The following AKAP6 variants were observed in gnomAD, a reference collection of about 807,000 sequenced individuals.
AKAP6 encodes the protein A-kinase anchor protein 6.
In AKAP6, 58 loss-of-function variants were observed where a neutral mutation model predicts 188.5. That is an observed-to-expected ratio of 0.31 (90% CI 0.25 to 0.38). The LOEUF is 0.38. Among genes scored for constraint, AKAP6 ranks in the 10% least tolerant of loss-of-function variants. AKAP6 has a pLI of 1.00. For missense variants in AKAP6, 2,710 were observed against 2,740.0 expected, an observed-to-expected ratio of 0.99 and a Z score of 0.24; for synonymous variants, 989 against 998.6, an observed-to-expected ratio of 0.99 and a Z score of 0.18.
At chr14:32,655,472 GA>G (rs1888417039) in intron 7 of AKAP6, among the ~76,000 whole-genome samples, 1 of 152,144 alleles carries the variant, frequency 6.6e-6, no homozygotes, top group Non-Finnish European at 1.5e-5. Context: ...AATATATTGG[GA>G]AGTCCTTAAC....
intron 7 of AKAP6, among the ~76,000 whole-genome samples, chr14:32,634,479 CATT>C (rs1284802050): frequency 1.3e-5 from 2 of 151,982 alleles, no homozygotes; most frequent in Admixed American, 6.6e-5. Flanking sequence ...TTTACTTTCT[CATT>C]GTTGTTTCCT....
At position 32,835,310 on chromosome 14, in the gene AKAP6, C is replaced by A. The variant is rs2034864596; in HGVS notation, c.*5505C>A. On this transcript the variant is annotated 3_prime_UTR_variant, in exon 14 of 14. Transcript: ENST00000280979. Reference sequence around the variant, plus strand: ...TTCCTAGATTTTATTGCATTCTCAACTTGTTTCATATTACCTTAAAAAATA... The same window carrying A: ...TTCCTAGATTTTATTGCATTCTCAAATTGTTTCATATTACCTTAAAAAATA... 1 of 151,838 alleles carries A rather than the reference C, an allele frequency of 6.6e-6. No homozygotes were observed. Among genetic ancestry groups the A allele is most frequent in the Non-Finnish European group, 1.5e-5 (1 of 67,998 alleles). 9.4% of individuals were successfully genotyped at this position (151,838 alleles called of 1,614,324 possible).
intron 1 of AKAP6, among the ~76,000 whole-genome samples, chr14:32,344,315 C>T (rs1886993257): frequency 6.6e-6 from 1 of 152,208 alleles, no homozygotes; most frequent in African/African-American, 2.4e-5. Context: ...AACACCAATC[C>T]AACATGCATT....
chr14:32,505,808 A>C (rs1422276300), intron 2 of AKAP6, among the ~76,000 whole-genome samples: 2 of 152,198 alleles, frequency 1.3e-5, no homozygotes, highest in Admixed American at 1.3e-4. Context: ...CAGTAGTTTG[A>C]GAATTCATTT....
intron 8 of AKAP6, chr14:32,693,739 C>T (rs909213799): frequency 1.3e-5 from 2 of 152,128 alleles, no homozygotes; most frequent in Admixed American, 1.3e-4. Context: ...TTCCTTTCCC[C>T]TTTGCTTTAA....
At chr14:32,430,919 A>G (rs950368446) in intron 1 of AKAP6, among the ~76,000 whole-genome samples, 2 of 152,074 alleles carry the variant, frequency 1.3e-5, no homozygotes, top group Non-Finnish European at 2.9e-5. Context: ...ATCCTGGATA[A>G]CACAGTGAAA....
At chr14:32,772,738 T>C (rs905419827) in intron 11 of AKAP6, among the ~76,000 whole-genome samples, 2 of 152,234 alleles carry the variant, frequency 1.3e-5, no homozygotes, top group Admixed American at 1.3e-4. Flanking sequence ...TGAAATTGCA[T>C]TGTCTTGTTT....
At chr14:32,361,980 G>A (rs909159663) in intron 1 of AKAP6, among the ~76,000 whole-genome samples, 4 of 151,604 alleles carry the variant, frequency 2.6e-5, no homozygotes, top group African/African-American at 9.7e-5. Context: ...GAAATAATTT[G>A]CCTACCTCTC....
At position 32,588,995 on chromosome 14, in the gene AKAP6, G is replaced by A. The variant is rs141022080; in HGVS notation, c.2470-10415G>A. Among the ~76,000 whole-genome samples, 447 of 152,172 alleles carry A rather than the reference G, an allele frequency of 2.9e-3. 6 individuals carry two copies. Among genetic ancestry groups the A allele is most frequent in the East Asian group, 0.013 (69 of 5,170 alleles). On this transcript the variant is annotated intron_variant, in intron 5 of 13. Coordinates refer to ENST00000280979, the MANE Select transcript of AKAP6 (RefSeq NM_004274.5). ...GCCTTCCTGTCTCTACCTCTGCTCC[G>A]TTTTTCATTGCTTGAAGTTAAGAGA...
At chr14:32,829,660 G>T (rs2034776586) in intron 13 of AKAP6, among the ~76,000 whole-genome samples, 188 bp from the exon 14 acceptor site, 1 of 151,354 alleles carries the variant, frequency 6.6e-6, no homozygotes, top group African/African-American at 2.4e-5. Context: ...TCTACGCTGA[G>T]ACTTTTTTTG....
At chr14:32,534,827 G>A (rs1004276668) in intron 2 of AKAP6, among the ~76,000 whole-genome samples, 10 of 151,848 alleles carry the variant, frequency 6.6e-5, no homozygotes, top group African/African-American at 2.2e-4. Context: ...TTAGCGGGGC[G>A]TGTGGCAGCC....
intron 1 of AKAP6, among the ~76,000 whole-genome samples, chr14:32,332,145 C>T (rs186645826): frequency 9.2e-5 from 14 of 151,716 alleles, no homozygotes; most frequent in East Asian, 4.1e-4. Context: ...CTTAGCCAGG[C>T]GAATAAACTT....
intron 2 of AKAP6, among the ~76,000 whole-genome samples, chr14:32,483,657 T>C (rs1879492625): frequency 6.6e-6 from 1 of 152,078 alleles, no homozygotes; most frequent in African/African-American, 2.4e-5. Flanking sequence ...GCTAATTTTG[T>C]ATTTTTAGTG....
chr14:32,358,026 A>G (rs1887539482), intron 1 of AKAP6, among the ~76,000 whole-genome samples: 2 of 152,370 alleles, frequency 1.3e-5, no homozygotes, highest in East Asian at 3.9e-4. Context: ...AACTTTCAGC[A>G]CATCCAAGTG....
At chr14:32,656,293 A>C (rs1254205589) in intron 7 of AKAP6, among the ~76,000 whole-genome samples, 1 of 152,182 alleles carries the variant, frequency 6.6e-6, no homozygotes, top group Non-Finnish European at 1.5e-5. Context: ...TATTTAATGA[A>C]AGCTGTGTCC....
intron 7 of AKAP6, among the ~76,000 whole-genome samples, chr14:32,661,076 T>G (rs961753158): frequency 6.6e-6 from 1 of 151,596 alleles, no homozygotes; most frequent in African/African-American, 2.4e-5. Context: ...TTTTGGGAAA[T>G]GTAGAGAAAT....
At chr14:32,515,461 T>C (rs550000351) in intron 2 of AKAP6, among the ~76,000 whole-genome samples, 1 of 152,274 alleles carries the variant, frequency 6.6e-6, no homozygotes, top group African/African-American at 2.4e-5. Context: ...GAAATAACAG[T>C]AATTTTACAA....
intron 7 of AKAP6, among the ~76,000 whole-genome samples, chr14:32,643,959 CT>C (rs1887873944): frequency 6.6e-6 from 1 of 152,142 alleles, no homozygotes; most frequent in African/African-American, 2.4e-5. Context: ...CCTTTTCCCC[CT>C]ATTTCTTGTA....
intron 1 of AKAP6, among the ~76,000 whole-genome samples, chr14:32,373,046 C>T (rs1018605097): frequency 3.3e-5 from 5 of 149,926 alleles, no homozygotes; most frequent in Non-Finnish European, 5.9e-5. Flanking sequence ...CAGAGTCTGA[C>T]GGTTCTAGCT....
Sources: allele counts gnomAD v4.1 joint callset (sites outside exome capture counted in the v4.1 genomes callset), GRCh38; gene constraint gnomAD v4.1.1; transcripts MANE v1.5; gene names NCBI Gene and HGNC (gene_info 2026-07-23, HGNC 2026-07-21).